SGCZ: variants seen among roughly 807,000 people sequenced by gnomAD.
The protein encoded by SGCZ is sarcoglycan zeta, also known as zeta-sarcoglycan.
A neutral mutation model predicts 41.3 loss-of-function variants in SGCZ; 40 were observed. That is an observed-to-expected ratio of 0.97 (90% CI 0.75 to 1.26). SGCZ has a LOEUF of 1.26. SGCZ is among the 50% of genes most tolerant of loss of function. The probability of loss-of-function intolerance (pLI) is 0.00; values close to 1 mark genes in which losing one functional copy is unlikely to be tolerated. For synonymous variants in SGCZ, 206 were observed against 137.5 expected (o/e 1.50, Z -3.49); for missense variants, 552 against 369.8 (o/e 1.49, Z -4.04).
At chr8:14,466,140 G>A (rs1292816127) in intron 2 of SGCZ, among the ~76,000 whole-genome samples, 1 of 151,844 alleles carries the variant, frequency 6.6e-6, no homozygotes, top group Non-Finnish European at 1.5e-5. Context: ...TTCCTGCAGA[G>A]CAGGCCTAGT....
intron 1 of SGCZ, among the ~76,000 whole-genome samples, chr8:15,051,335 T>A (rs1466128139): frequency 6.6e-6 from 1 of 152,226 alleles, no homozygotes; most frequent in Non-Finnish European, 1.5e-5. Context: ...AAATTTATCC[T>A]TGTTGTTTAT....
intron 2 of SGCZ, among the ~76,000 whole-genome samples, chr8:14,507,037 T>C (rs751198729): frequency 3.3e-5 from 5 of 152,188 alleles, no homozygotes; most frequent in African/African-American, 7.2e-5. Context: ...TTTCAATCTC[T>C]GTGATTGCCT....
At chr8:14,812,030 A>G (rs557482838) in intron 1 of SGCZ, among the ~76,000 whole-genome samples, 1 of 152,156 alleles carries the variant, frequency 6.6e-6, no homozygotes, top group South Asian at 2.1e-4. Flanking sequence ...AAGGGATTAT[A>G]GGGGTAAGAC....
chr8:15,082,264 G>T (rs1007975681), intron 1 of SGCZ, among the ~76,000 whole-genome samples: 1 of 151,826 alleles, frequency 6.6e-6, no homozygotes, highest in African/African-American at 2.4e-5. Context: ...AGAACTTCTT[G>T]TTAAATATTT....
intron 3 of SGCZ, among the ~76,000 whole-genome samples, chr8:14,266,131 T>A (rs1401531788): frequency 6.6e-6 from 1 of 152,056 alleles, no homozygotes; most frequent in Admixed American, 6.6e-5. Context: ...AGATCAAAGA[T>A]GACCAAACAG....
intron 1 of SGCZ, among the ~76,000 whole-genome samples, chr8:14,944,304 C>G (rs1277964466): frequency 6.6e-6 from 1 of 152,174 alleles, no homozygotes; most frequent in Non-Finnish European, 1.5e-5. Context: ...CCCATGCCAA[C>G]AGAAACATAA....
chr8:15,153,746 G>C (rs1005251894), intron 1 of SGCZ, among the ~76,000 whole-genome samples: 5 of 152,092 alleles, frequency 3.3e-5, no homozygotes, highest in African/African-American at 1.2e-4. Flanking sequence ...GTTTCTCCAA[G>C]CCTCCTCAGA....
chr8:14,332,976 G>C (rs1802391100), intron 2 of SGCZ, among the ~76,000 whole-genome samples: 1 of 150,918 alleles, frequency 6.6e-6, no homozygotes, highest in Non-Finnish European at 1.5e-5. Context: ...ACGAAATGGA[G>C]AACGGACCAT....
chr8:14,214,694 G>C (rs1431870897), intron 4 of SGCZ, among the ~76,000 whole-genome samples: 1 of 140,022 alleles, frequency 7.1e-6, no homozygotes, highest in East Asian at 2.0e-4. Flanking sequence ...CATGCTAACA[G>C]TAATTTTTTT....
rs191733251 is a variant in SGCZ, at chr8:14,847,079, C to T, written c.40-292153G>A. Among the ~76,000 whole-genome samples, 46 of 96,480 alleles carry T rather than the reference C, an allele frequency of 4.8e-4. No homozygotes were observed. In the Middle Eastern group the frequency reaches 0.017, roughly 35 times the overall value. 63.3% of individuals were successfully genotyped at this position (96,480 alleles called of 152,430 possible). ...AGAGCAAGACTTCATCTCTACAAGA[C>T]AAAATAGAAGAAGAAGAAAGAAGAA... On this transcript the variant is annotated intron_variant, in intron 1 of 7. Coordinates refer to ENST00000382080, the MANE Select transcript of SGCZ (RefSeq NM_139167.4).
At position 14,262,144 on chromosome 8, in the gene SGCZ, A is replaced by T. The variant is rs1377914118; in HGVS notation, c.337-24465T>A. ...ATGACTATATTTACTGATATGCATT[A>T]AGGTAACTTTGTTTAGAATGAACTT... On this transcript the variant is annotated intron_variant, in intron 3 of 7. Coordinates refer to ENST00000382080, the MANE Select transcript of SGCZ (RefSeq NM_139167.4). Among the ~76,000 whole-genome samples the T allele has an allele frequency of 4.6e-5, 7 of 152,172 alleles. No homozygotes were observed. The East Asian group carries it at 1.2e-3, about 25-fold the overall frequency.
intron 1 of SGCZ, among the ~76,000 whole-genome samples, chr8:15,081,822 G>A (rs886401126): frequency 6.6e-6 from 1 of 152,162 alleles, no homozygotes; most frequent in African/African-American, 2.4e-5. Context: ...AAGCTCAACA[G>A]AGACAGAGAT....
intron 1 of SGCZ, among the ~76,000 whole-genome samples, chr8:15,022,557 T>A (rs939938178): frequency 2.0e-5 from 3 of 152,126 alleles, no homozygotes; most frequent in South Asian, 4.1e-4. Context: ...TTTGCCAGGA[T>A]GGTCTCGATC....
chr8:15,105,673 C>A (rs186683365), intron 1 of SGCZ, among the ~76,000 whole-genome samples: 149 of 152,284 alleles, frequency 9.8e-4, no homozygotes, highest in Non-Finnish European at 1.8e-3. Context: ...GGCAGGGACA[C>A]AGAGCCAAAC....
At chr8:14,255,561 A>C (rs1799432983) in intron 3 of SGCZ, among the ~76,000 whole-genome samples, 1 of 152,140 alleles carries the variant, frequency 6.6e-6, no homozygotes, top group Admixed American at 6.6e-5. Context: ...TCATCGCTAA[A>C]AAGACAAAGT....
intron 3 of SGCZ, among the ~76,000 whole-genome samples, chr8:14,307,009 AAGG>A (rs1362619720): frequency 6.6e-6 from 1 of 152,222 alleles, no homozygotes; most frequent in East Asian, 1.9e-4. Flanking sequence ...AGTTAAATTG[AAGG>A]AGAATATTTG....
intron 1 of SGCZ, among the ~76,000 whole-genome samples, chr8:15,066,104 C>A (rs530200100): frequency 1.3e-5 from 2 of 151,448 alleles, no homozygotes; most frequent in East Asian, 3.9e-4. Context: ...GTCAGGAGAT[C>A]GAGACCATCC....
At chr8:14,137,047 C>A (rs757077857) in intron 5 of SGCZ, among the ~76,000 whole-genome samples, 2 of 152,172 alleles carry the variant, frequency 1.3e-5, no homozygotes, top group Admixed American at 1.3e-4. Flanking sequence ...TGGGGTGGAC[C>A]TCCACTAAAC....
intron 1 of SGCZ, among the ~76,000 whole-genome samples, chr8:14,797,900 C>G (rs1030403346): frequency 5.9e-5 from 9 of 152,158 alleles, no homozygotes; most frequent in African/African-American, 2.2e-4. Flanking sequence ...GCAGTTTACA[C>G]GTGGTGTTGA....
Sources: allele counts gnomAD v4.1 joint callset (sites outside exome capture counted in the v4.1 genomes callset), GRCh38; gene constraint gnomAD v4.1.1; transcripts MANE v1.5; gene names NCBI Gene and HGNC (gene_info 2026-07-23, HGNC 2026-07-21).